Variants in GREB1L observed in about 807,000 individuals in gnomAD.
GREB1L encodes the protein GREB1 like retinoic acid receptor coactivator.
In GREB1L, 17 loss-of-function variants were observed where a neutral mutation model predicts 200.8. The ratio of observed to expected loss-of-function variants is 0.08; its 90% confidence interval spans 0.06 to 0.13. The LOEUF is 0.13. Ranked by LOEUF, GREB1L falls within the 10% of genes least tolerant of loss-of-function variation. The probability of loss-of-function intolerance (pLI) is 1.00; values close to 1 mark genes in which losing one functional copy is unlikely to be tolerated. For missense variants in GREB1L, 1,657 were observed against 2,367.7 expected (o/e 0.70, Z 6.23); for synonymous variants, 789 against 893.0 (o/e 0.88, Z 2.08).
At chr18:21,519,598 C>T (rs8092123) in intron 31 of GREB1L, among the ~76,000 whole-genome samples, 3,014 of 152,284 alleles carry the variant, frequency 0.02, 51 homozygotes, top group Non-Finnish European at 0.032. Context: ...CAGGGCTCTA[C>T]GTATTAACAC....
chr18:21,401,080 G>GCTGT, intron 5 of GREB1L, 70 bp from the exon 6 acceptor site: 1 of 1,254,136 alleles, frequency 8.0e-7, no homozygotes, highest in Non-Finnish European at 1.1e-6. Flanking sequence ...ATGTTTCTAT[G>GCTGT]CTGTTTAATA....
intron 4 of GREB1L, among the ~76,000 whole-genome samples, chr18:21,385,776 C>G (rs1045951142): frequency 2.0e-5 from 3 of 152,046 alleles, no homozygotes; most frequent in African/African-American, 7.2e-5. Flanking sequence ...TTGTTGGATT[C>G]CCATTGAGAA....
chr18:21,332,617 G>A (rs1290242588), intron 1 of GREB1L, among the ~76,000 whole-genome samples: 1 of 152,082 alleles, frequency 6.6e-6, no homozygotes, highest in Non-Finnish European at 1.5e-5. Context: ...TGAGATTACA[G>A]GTGCCTATCA....
At chr18:21,516,555 A>C (rs1214962944) in intron 29 of GREB1L, 58 bp from the exon 30 acceptor site, 1 of 1,478,936 alleles carries the variant, frequency 6.8e-7, no homozygotes, top group African/African-American at 1.4e-5. Context: ...CTCTGTGTAT[A>C]GTTATCATGG....
chr18:21,305,123 C>T (rs1251416038), intron 1 of GREB1L, among the ~76,000 whole-genome samples: 1 of 151,908 alleles, frequency 6.6e-6, no homozygotes, highest in African/African-American at 2.4e-5. Context: ...CTACAGGTGC[C>T]CACCACCATG....
chr18:21,433,616 A>C (rs974067592), intron 7 of GREB1L, among the ~76,000 whole-genome samples: 2 of 152,228 alleles, frequency 1.3e-5, no homozygotes, highest in African/African-American at 4.8e-5. Flanking sequence ...CAGGTGAGTA[A>C]GTCAGGCCCT....
chr18:21,320,137 G>A (rs1285073577), intron 1 of GREB1L, among the ~76,000 whole-genome samples: 6 of 152,146 alleles, frequency 3.9e-5, no homozygotes, highest in Admixed American at 2.6e-4. Flanking sequence ...GCTATAAATT[G>A]CTGGTCCTAG....
intron 1 of GREB1L, among the ~76,000 whole-genome samples, chr18:21,305,068 T>G (rs913425427): frequency 1.3e-5 from 2 of 152,054 alleles, no homozygotes; most frequent in African/African-American, 4.8e-5. Context: ...AACTTCCTCC[T>G]GGGTTCAAGC....
intron 1 of GREB1L, among the ~76,000 whole-genome samples, chr18:21,251,549 T>C (rs2037704341): frequency 6.6e-6 from 1 of 152,286 alleles, no homozygotes; most frequent in Non-Finnish European, 1.5e-5. Context: ...GATAGACATA[T>C]GATAACACAA....
rs549534147 is a variant in GREB1L, at chr18:21,376,526, C to G, written c.-9-6984C>G. 1.1e-4 allele frequency among the ~76,000 whole-genome samples: 16 copies of G among 151,006 alleles called. No homozygotes were observed. In the South Asian group the frequency reaches 3.0e-3, roughly 28 times the overall value. ...ATAATTATGAAAAAATAGACAGGGC[C>G]GGGCGCAGTGGCTCATGCCTGTAAT... On this transcript the variant is annotated intron_variant, in intron 2 of 32. Transcript: ENST00000424526.
rs1405477174 is a variant in GREB1L, at chr18:21,268,554, CACACACATATATATAT to C, written c.-120+26163_-120+26178del. Among the ~76,000 whole-genome samples the C allele has an allele frequency of 2.3e-3, 219 of 96,840 alleles. 1 individual carries two copies. Among genetic ancestry groups the C allele is most frequent in the African/African-American group, 0.012 (205 of 17,328 alleles). 63.5% of individuals were successfully genotyped at this position (96,840 alleles called of 152,430 possible). A position where few individuals can be genotyped will look rare whatever the true frequency, so the allele number is the denominator to read the frequency against. ...ACACACACACACACACACACACACACACACACATATATATATATATATATATATATATATATATACA... is the reference window on the plus strand; with the variant it reads ...ACACACACACACACACACACACACACATATATATATATATATATATATACA... On this transcript the variant is annotated intron_variant, in intron 1 of 32. Coordinates refer to ENST00000424526, the MANE Select transcript of GREB1L (RefSeq NM_001142966.3).
At chr18:21,336,472 CA>C (rs1221064202) in intron 1 of GREB1L, among the ~76,000 whole-genome samples, 1 of 152,068 alleles carries the variant, frequency 6.6e-6, no homozygotes, top group African/African-American at 2.4e-5. Context: ...TAGCAATAAG[CA>C]AAATAAATCC....
intron 1 of GREB1L, chr18:21,316,870 C>T (rs946998094): frequency 2.0e-5 from 3 of 148,706 alleles, no homozygotes; most frequent in Non-Finnish European, 3.0e-5. Context: ...AAGCAATTCT[C>T]CCTGCCTCAG....
Position 21,505,505 on chromosome 18 carries a change from A to G in GREB1L, c.4166A>G (p.His1389Arg). ...FSKMPFDVSVHDPKYSLMSLV... is the reference protein window; with the variant it reads ...FSKMPFDVSVRDPKYSLMSLV... ...AAAATGCCTTTTGATGTCAGTGTGC[A>G]TGACCCCAAGTACAGTTTGATGAGC... The change falls in exon 24 of 33, where the codon CAT (histidine) becomes CGT (arginine). Residue 1389 changes from histidine (H) to arginine (R), a missense_variant. By Grantham distance (29) the His-to-Arg change is conservative. Transcript: ENST00000424526. 1 of 1,551,720 alleles carries G rather than the reference A, an allele frequency of 6.4e-7. No homozygotes were observed. Among genetic ancestry groups the G allele is most frequent in the Non-Finnish European group, 8.7e-7 (1 of 1,146,968 alleles).
Position 21,524,299 on chromosome 18 carries a change from GTAT to G in GREB1L, c.*1481_*1483del, listed in dbSNP as rs2037649669. ...TACAAAGCTAGTGAAAAAATGGAAT[GTAT>G]TAGACTAAAAATGGTTTGCAGATCT... On this transcript the variant is annotated 3_prime_UTR_variant, in exon 33 of 33. Coordinates refer to ENST00000424526, the MANE Select transcript of GREB1L (RefSeq NM_001142966.3). 6.6e-6 allele frequency: 1 copy of G among 152,172 alleles called. No individual in the cohort carries two copies. The highest frequency in any genetic ancestry group is 2.4e-5 in the African/African-American group (1 of 41,454). The allele number at this position is 152,172 out of a possible 1,614,324, so 9.4% of individuals were successfully genotyped here.
chr18:21,316,507 G>A lies in GREB1L; in HGVS notation c.-119-49520G>A, dbSNP rs561746213. On this transcript the variant is annotated intron_variant, in intron 1 of 32. Transcript: ENST00000424526. ...AAAGGCACCTGAAGAGATGAAGCTA[G>A]AATTAACAGGCAGAACATCAAGCAC... 2.0e-5 allele frequency among the ~76,000 whole-genome samples: 3 copies of A among 152,304 alleles called. No homozygotes were observed. In the East Asian group the frequency reaches 5.8e-4, roughly 29 times the overall value.
chr18:21,242,360 CT>C lies in GREB1L; in HGVS notation c.-152del, dbSNP rs1384669178. On this transcript the variant is annotated 5_prime_UTR_variant, in exon 1 of 33. Coordinates refer to ENST00000424526, the MANE Select transcript of GREB1L (RefSeq NM_001142966.3). ...GCCCGGCCGAGCCGAGGGCCACCCC[CT>C]GGTCCTCTGCCCTCGCGCCCCGCTA... is the stretch of plus-strand genomic sequence containing the variant. 2 of 152,174 alleles carry C rather than the reference CT, an allele frequency of 1.3e-5. No homozygotes were observed. The highest frequency in any genetic ancestry group is 4.8e-5 in the African/African-American group (2 of 41,416). 9.4% of individuals were successfully genotyped at this position (152,174 alleles called of 1,614,324 possible).
intron 1 of GREB1L, among the ~76,000 whole-genome samples, chr18:21,270,807 A>C (rs766285462): frequency 1.2e-4 from 19 of 152,236 alleles, no homozygotes; most frequent in Non-Finnish European, 2.4e-4. Flanking sequence ...CTCTGGTGAC[A>C]TTTGGAAGTA....
chr18:21,389,731 C>G (rs1598741934), intron 4 of GREB1L, among the ~76,000 whole-genome samples: 1 of 152,164 alleles, frequency 6.6e-6, no homozygotes, highest in South Asian at 2.1e-4. Context: ...TGAGAAAGCT[C>G]AGCAGAAATG....
Sources: allele counts gnomAD v4.1 joint callset (sites outside exome capture counted in the v4.1 genomes callset), GRCh38; gene constraint gnomAD v4.1.1; transcripts MANE v1.5; gene names NCBI Gene and HGNC (gene_info 2026-07-23, HGNC 2026-07-21).